Variants in ANTXR2 observed in about 807,000 individuals in gnomAD.
ANTXR2 encodes the protein anthrax toxin receptor 2.
A neutral mutation model predicts 73.7 loss-of-function variants in ANTXR2; 44 were observed. That is an observed-to-expected ratio of 0.60 (90% confidence interval 0.47 to 0.77). The LOEUF (loss-of-function observed/expected upper bound fraction) is 0.77, where lower values mean the gene tolerates loss of function less well. Ranked by LOEUF, ANTXR2 falls within the 30% of genes least tolerant of loss-of-function variation. The pLI, the probability that ANTXR2 is intolerant of heterozygous loss-of-function variation, is 0.00. For missense variants in ANTXR2, 604 were observed against 592.5 expected, an observed-to-expected ratio of 1.02 and a Z score of -0.20; for synonymous variants, 217 against 205.9, an observed-to-expected ratio of 1.05 and a Z score of -0.46.
rs191813589 is a variant in ANTXR2 at position 80,050,540 on chromosome 4, A to T, written c.636+3732T>A. ...AAGCCAAGCCCTTCTAACTTAGGTC[A>T]TTCTCAATTGTTATCTCATTTAATT... On this transcript the variant is annotated intron_variant, in intron 7 of 16. Transcript: ENST00000403729. 1.7e-3 allele frequency among the ~76,000 whole-genome samples: 256 copies of T among 151,802 alleles called. 1 individual carries two copies. In the Middle Eastern group the frequency reaches 0.027, roughly 16 times the overall value.
At chr4:79,984,717 G>A (rs1730033433) in intron 13 of ANTXR2, 102 bp downstream of exon 13, 3 of 965,626 alleles carry the variant, frequency 3.1e-6, no homozygotes, top group Non-Finnish European at 4.9e-6. Flanking sequence ...TCAGTACATA[G>A]GTATCATAGT....
intron 3 of ANTXR2, among the ~76,000 whole-genome samples, chr4:80,066,910 T>A (rs1289420707): frequency 6.6e-6 from 1 of 152,162 alleles, no homozygotes; most frequent in Non-Finnish European, 1.5e-5. Flanking sequence ...AAGAAAGGCC[T>A]CTTCTGGTGA....
intron 11 of ANTXR2, among the ~76,000 whole-genome samples, chr4:80,018,137 G>A (rs559713645): frequency 3.3e-4 from 50 of 152,228 alleles, no homozygotes; most frequent in Non-Finnish European, 6.6e-4. Flanking sequence ...TTAGGTTTAG[G>A]ATTTTGGTCT....
Position 80,036,010 on chromosome 4 carries a change from T to C in ANTXR2, c.659A>G (p.Glu220Gly). 6.5e-7 allele frequency: 1 copy of C among 1,533,660 alleles called. No individual in the cohort carries two copies. The highest frequency in any genetic ancestry group is 2.2e-5 in the Admixed American group (1 of 46,388). ...INSILAQSCT[E>G]ILELQPSSVC... ...ACTTGAGGGCTGCAATTCTAGGATTTCAGTACATGACTGAGCTAGTATCTA... is the reference window on the plus strand; with the variant it reads ...ACTTGAGGGCTGCAATTCTAGGATTCCAGTACATGACTGAGCTAGTATCTA... The change falls in exon 8 of 17, where the codon GAA (glutamate) becomes GGA (glycine). Residue 220 changes from glutamate (E) to glycine (G), a missense_variant. Physicochemically the swap from Glu to Gly is moderately conservative, Grantham distance 98 (BLOSUM62 -2). Coordinates refer to ENST00000403729, the MANE Select transcript of ANTXR2 (RefSeq NM_058172.6).
At chr4:79,981,074 C>T (rs1032131125) in intron 14 of ANTXR2, among the ~76,000 whole-genome samples, 2 of 152,028 alleles carry the variant, frequency 1.3e-5, no homozygotes, top group African/African-American at 4.8e-5. Flanking sequence ...CAAGACCAGC[C>T]AGGGCAACAT....
chr4:79,918,002 G>C (rs1727422500), intron 16 of ANTXR2, among the ~76,000 whole-genome samples: 1 of 151,922 alleles, frequency 6.6e-6, no homozygotes, highest in Non-Finnish European at 1.5e-5. Flanking sequence ...CATCAGAAGA[G>C]ATGGAAACTA....
At chr4:80,028,352 T>C (rs573316906) in intron 10 of ANTXR2, among the ~76,000 whole-genome samples, 37 of 152,226 alleles carry the variant, frequency 2.4e-4, no homozygotes, top group Admixed American at 1.1e-3. Flanking sequence ...TCGGCTACAT[T>C]CTTACTCCCC....
intron 11 of ANTXR2, among the ~76,000 whole-genome samples, chr4:80,015,712 G>A (rs1161411902): frequency 6.7e-6 from 1 of 149,962 alleles, no homozygotes; most frequent in African/African-American, 2.5e-5. Context: ...AAAGAGAAAA[G>A]AAGAGAAGAA....
intron 16 of ANTXR2, among the ~76,000 whole-genome samples, chr4:79,950,834 T>C (rs987732196): frequency 6.6e-6 from 1 of 152,168 alleles, no homozygotes; most frequent in East Asian, 1.9e-4. Context: ...GTATTTTCTT[T>C]CAAGCTGAAC....
intron 12 of ANTXR2, 28 bp from the exon 13 acceptor site, chr4:79,984,891 T>G: frequency 7.1e-6 from 11 of 1,539,972 alleles, no homozygotes; most frequent in Non-Finnish European, 9.8e-6. Context: ...ATATAAAAAT[T>G]TCTATGGCAT....
At chr4:79,959,581 A>G (rs1729068726) in intron 16 of ANTXR2, among the ~76,000 whole-genome samples, 1 of 152,242 alleles carries the variant, frequency 6.6e-6, no homozygotes, top group South Asian at 2.1e-4. Flanking sequence ...CCAGAATTAG[A>G]AAGTTAAAAT....
intron 2 of ANTXR2, among the ~76,000 whole-genome samples, chr4:80,071,016 C>A (rs1398142562): frequency 1.3e-5 from 2 of 152,092 alleles, no homozygotes; most frequent in African/African-American, 4.8e-5. Context: ...GGAGAGGAAA[C>A]CAGTCTTTCC....
chr4:79,947,090 A>G (rs922823426), intron 16 of ANTXR2, among the ~76,000 whole-genome samples: 1 of 152,160 alleles, frequency 6.6e-6, no homozygotes, highest in African/African-American at 2.4e-5. Context: ...CTTACTTCTC[A>G]GTCAGACGAA....
intron 10 of ANTXR2, among the ~76,000 whole-genome samples, chr4:80,026,279 T>C (rs1454087287): frequency 1.3e-5 from 2 of 152,072 alleles, no homozygotes; most frequent in African/African-American, 4.8e-5. Context: ...TTCCTGGGCT[T>C]GCACTTCTCT....
At chr4:80,044,706 C>T (rs934805297) in intron 7 of ANTXR2, among the ~76,000 whole-genome samples, 11 of 151,598 alleles carry the variant, frequency 7.3e-5, no homozygotes, top group Admixed American at 1.3e-4. Flanking sequence ...TATTTTTTTT[C>T]TAATTTCTAA....
chr4:79,966,125 T>TACAC (rs1560917322), intron 16 of ANTXR2, among the ~76,000 whole-genome samples: 1 of 18,806 alleles, frequency 5.3e-5, no homozygotes, highest in Non-Finnish European at 9.9e-5. Context: ...TGCTAGGACT[T>TACAC]AGACACACAC....
intron 16 of ANTXR2, among the ~76,000 whole-genome samples, chr4:79,913,577 A>G (rs1727229914): frequency 6.6e-6 from 1 of 152,186 alleles, no homozygotes; most frequent in Admixed American, 6.6e-5. Context: ...TCTAGGGCAT[A>G]TAATTTCTCT....
At chr4:80,021,138 A>C (rs1732141156) in intron 10 of ANTXR2, among the ~76,000 whole-genome samples, 2 of 128,784 alleles carry the variant, frequency 1.6e-5, no homozygotes, top group South Asian at 5.8e-4. Context: ...CGACAGAGCG[A>C]GACTCCATCT....
chr4:79,977,301 A>G (rs961246466), intron 16 of ANTXR2, among the ~76,000 whole-genome samples: 2 of 152,238 alleles, frequency 1.3e-5, no homozygotes, highest in African/African-American at 4.8e-5. Flanking sequence ...GACTTCAGCT[A>G]CTAACTCCCA....
Sources: allele counts gnomAD v4.1 joint callset (sites outside exome capture counted in the v4.1 genomes callset), GRCh38; gene constraint gnomAD v4.1.1; transcripts MANE v1.5; gene names NCBI Gene and HGNC (gene_info 2026-07-23, HGNC 2026-07-21).